CHD3: variants seen among roughly 807,000 people sequenced by gnomAD.
CHD3 encodes ATP-dependent chromatin remodeler CHD3.
Under a neutral mutation model 248.9 loss-of-function variants are expected in CHD3, and 52 were observed. The observed-to-expected ratio is 0.21, with a 90% confidence interval of 0.17 to 0.26. The LOEUF (loss-of-function observed/expected upper bound fraction) is 0.26, where lower values mean the gene tolerates loss of function less well. Ranked by LOEUF, CHD3 falls within the 10% of genes least tolerant of loss-of-function variation. The pLI is 1.00. For synonymous variants in CHD3, 985 were observed against 985.2 expected, an observed-to-expected ratio of 1.00 and a Z score of 0.00; for missense variants, 1,482 against 2,605.8, an observed-to-expected ratio of 0.57 and a Z score of 9.39.
chr17:7,899,779 G>T lies in CHD3; in HGVS notation c.2545-117G>T. ...GAGCCATGGTCTGTAATCCCTGCTT[G>T]GAGAACAGAGTAATGGCTCCTGTTG... On this transcript the variant is annotated intron_variant, in intron 15 of 39. Transcript: ENST00000330494. This position sits in a 1 kb window ranked among gnomAD's most constrained non-coding sequence, Gnocchi z 6.8. 1 of 1,328,252 alleles carries T rather than the reference G, an allele frequency of 7.5e-7. No homozygotes were observed. Among genetic ancestry groups the T allele is most frequent in the Non-Finnish European group, 1.0e-6 (1 of 952,994 alleles). The allele number at this position is 1,328,252 out of a possible 1,614,324, so 82.3% of individuals were successfully genotyped here. A position where few individuals can be genotyped will look rare whatever the true frequency, so the allele number is the denominator to read the frequency against.
Position 7,888,922 on chromosome 17 carries a change from G to A in CHD3, c.-79G>A. 6.2e-7 allele frequency: 1 copy of A among 1,601,622 alleles called. No individual in the cohort carries two copies. Among genetic ancestry groups the A allele is most frequent in the Non-Finnish European group, 8.5e-7 (1 of 1,173,044 alleles). On this transcript the variant is annotated 5_prime_UTR_variant, in exon 1 of 40. It removes an upstream start codon present in the reference 5' UTR. Transcript: ENST00000330494. ...TAGTTCCCAAAGGGAGCAGGGAGAT[G>A]GGAATAGAATTGAAGGTAGGTTTTA... is the stretch of plus-strand genomic sequence containing the variant.
Position 7,907,590 on chromosome 17 carries a change from C to T in CHD3, c.4925-11C>T, listed in dbSNP as rs1366512790. 3 of 1,511,142 alleles carry T rather than the reference C, an allele frequency of 2.0e-6. No individual in the cohort carries two copies. The highest frequency in any genetic ancestry group is 2.6e-6 in the Non-Finnish European group (3 of 1,132,238). The allele number at this position is 1,511,142 out of a possible 1,614,324, so 93.6% of individuals were successfully genotyped here. A position where few individuals can be genotyped will look rare whatever the true frequency, so the allele number is the denominator to read the frequency against. ...ACATCCTCCCTTCCTATCCCCTACC[C>T]CCTCCCACAGCCACAGAGTCGACGC... On this transcript the variant is annotated splice_polypyrimidine_tract_variant and intron_variant, in intron 32 of 39. Transcript: ENST00000330494. This position sits in a 1 kb window ranked among gnomAD's most constrained non-coding sequence, Gnocchi z 4.3.
Position 7,893,414 on chromosome 17 carries a change from C to T in CHD3, c.638C>T (p.Ala213Val), listed in dbSNP as rs1369872273. Residue 213 changes from alanine (A) to valine (V), a missense_variant, in exon 5 of 40, where the codon GCG becomes GTG. Coordinates refer to ENST00000330494, the MANE Select transcript of CHD3 (RefSeq NM_001005273.3). The stretch of plus-strand genomic sequence containing the variant: ...TCAGCAGCTGCTGTGGCGGCGGCAG[C>T]GGCAGCAGCAGCAGCAGCTGTAGCT... ...KGSAAAVAAA[A>V]AAAAAAVAEQ... 14 of 1,611,558 alleles carry T rather than the reference C, an allele frequency of 8.7e-6. No individual in the cohort carries two copies. The highest frequency in any genetic ancestry group is 1.3e-5 in the African/African-American group (1 of 74,864).
Position 7,897,373 on chromosome 17 carries a change from T to C in CHD3, c.1919+79T>C, listed in dbSNP as rs1389619066. ...ATGGTGATGGCCCCATGTTAGTATT[T>C]GCTGATTAACCAGGTAATTGATCTA... On this transcript the variant is annotated intron_variant, in intron 11 of 39. Transcript: ENST00000330494. The surrounding 1 kb of genome is among the most constrained non-coding windows in gnomAD (Gnocchi z 4.8). 2.8e-5 allele frequency: 35 copies of C among 1,251,276 alleles called. No individual in the cohort carries two copies. The highest frequency in any genetic ancestry group is 3.7e-5 in the Non-Finnish European group (32 of 870,464). The allele number at this position is 1,251,276 out of a possible 1,614,324, so 77.5% of individuals were successfully genotyped here.
intron 5 of CHD3, 64 bp downstream of exon 5, chr17:7,893,633 T>G: frequency 6.5e-7 from 1 of 1,529,558 alleles, no homozygotes; most frequent in South Asian, 1.3e-5. Context: ...CACATTAGAG[T>G]CTGGAACTCT....
chr17:7,888,884 G>A lies in CHD3; in HGVS notation c.-117G>A, dbSNP rs1166624798. 3.9e-6 allele frequency: 6 copies of A among 1,524,572 alleles called. No homozygotes were observed. Among genetic ancestry groups the A allele is most frequent in the Non-Finnish European group, 5.3e-6 (6 of 1,138,276 alleles). 94.4% of individuals were successfully genotyped at this position (1,524,572 alleles called of 1,614,324 possible). On this transcript the variant is annotated 5_prime_UTR_variant, in exon 1 of 40. Transcript: ENST00000330494. ...GTGAAGGGTGAGATCGGGAAACAAA[G>A]GGTATGGCCCCCTAGTTCCCAAAGG...
Position 7,906,751 on chromosome 17 carries a change from T to G in CHD3, c.4503+54T>G. On this transcript the variant is annotated intron_variant, in intron 29 of 39. Transcript: ENST00000330494. This position sits in a 1 kb window ranked among gnomAD's most constrained non-coding sequence, Gnocchi z 5.0. ...CAAGCTGGCTGCCTAGTCTCTGTCC[T>G]TCCTCTGCCTCTGTCCCTGAGTTGT... The G allele has an allele frequency of 6.3e-7, 1 of 1,583,640 alleles. No individual in the cohort carries two copies. The highest frequency in any genetic ancestry group is 8.6e-7 in the Non-Finnish European group (1 of 1,163,670).
Position 7,901,344 on chromosome 17 carries a change from A to C in CHD3, c.3221A>C (p.Glu1074Ala). ...LLQKMLRKLK[E>A]QGHRVLIFSQ... ...CAGAAGATGCTGCGAAAGCTGAAGG[A>C]GCAAGGACACCGAGTGCTCATCTTC... Residue 1074 changes from glutamate (E) to alanine (A), a missense_variant, in exon 20 of 40, where the codon GAG (glutamate) becomes GCG (alanine). Glu to Ala is a moderately radical substitution (Grantham distance 107). Around this residue, in one of 20 missense-constraint regions of CHD3, gnomAD observed 31 missense variants for 53.9 expected, o/e 0.58. Coordinates refer to ENST00000330494, the MANE Select transcript of CHD3 (RefSeq NM_001005273.3). The C allele has an allele frequency of 6.2e-7, 1 of 1,613,418 alleles. No individual in the cohort carries two copies. The highest frequency in any genetic ancestry group is 8.5e-7 in the Non-Finnish European group (1 of 1,179,608).
rs75678869 is a variant in CHD3, at chr17:7,889,844, C to T, written c.213+68C>T. 34,378 of 1,449,946 alleles carry T rather than the reference C, an allele frequency of 0.024. 633 individuals carry two copies. Among genetic ancestry groups the T allele is most frequent in the South Asian group, 0.073 (6,011 of 82,638 alleles). The allele number at this position is 1,449,946 out of a possible 1,614,324, so 89.8% of individuals were successfully genotyped here. On this transcript the variant is annotated intron_variant, in intron 2 of 39. Transcript: ENST00000330494. This position sits in a 1 kb window ranked among gnomAD's most constrained non-coding sequence, Gnocchi z 4.5. Reference sequence around the variant, plus strand: ...ACCCATTCTCAGAGACCTACATTTTCTCTGGTCCTGATTACTGGTGTGGGG... The same window carrying T: ...ACCCATTCTCAGAGACCTACATTTTTTCTGGTCCTGATTACTGGTGTGGGG...
Position 7,905,424 on chromosome 17 carries a change from T to C in CHD3, c.4139-197T>C. The C allele has an allele frequency of 1.6e-6, 1 of 620,156 alleles. No individual in the cohort carries two copies. The highest frequency in any genetic ancestry group is 2.8e-6 in the Non-Finnish European group (1 of 350,918). The allele number at this position is 620,156 out of a possible 1,614,324, so 38.4% of individuals were successfully genotyped here. A position where few individuals can be genotyped will look rare whatever the true frequency, so the allele number is the denominator to read the frequency against. ...ATCTGGGCCTTTGTCAGATATCAGC[T>C]GTTAATTTTAAAATATGACTGGTTC... On this transcript the variant is annotated intron_variant, in intron 26 of 39. Coordinates refer to ENST00000330494, the MANE Select transcript of CHD3 (RefSeq NM_001005273.3). The surrounding 1 kb of genome is among the most constrained non-coding windows in gnomAD (Gnocchi z 5.8).
upstream of CHD3, chr17:7,885,209 C>CGGGCCCGT (rs893595421): frequency 1.1e-6 from 1 of 899,858 alleles, no homozygotes; most frequent in African/African-American, 1.8e-5. Flanking sequence ...ATCCGGGGCT[C>CGGGCCCGT]GGGCCCGTGG....
intron 10 of CHD3, 90 bp from the exon 11 acceptor site, chr17:7,896,993 C>A: frequency 9.5e-7 from 1 of 1,057,942 alleles, no homozygotes; most frequent in Non-Finnish European, 1.4e-6. Context: ...CTTTCCCTGT[C>A]CCATTCCTCC....
At position 7,907,994 on chromosome 17, in the gene CHD3, C is replaced by A; in HGVS notation, c.5127C>A (p.Phe1709Leu). 1.2e-6 allele frequency: 2 copies of A among 1,608,002 alleles called. No homozygotes were observed. Among genetic ancestry groups the A allele is most frequent in the South Asian group, 2.2e-5 (2 of 90,856 alleles). ...EEKTEKPRFMFNIADGGFTEL... is the reference protein window; with the variant it reads ...EEKTEKPRFMLNIADGGFTEL... ...AGACAGAGAAGCCCCGGTTCATGTT[C>A]AATATCGCCGATGGTGGCTTCACAG... is the stretch of plus-strand genomic sequence containing the variant. Residue 1709 changes from phenylalanine to leucine, a missense_variant, in exon 34 of 40, where the codon TTC (phenylalanine) becomes TTA (leucine). Coordinates refer to ENST00000330494, the MANE Select transcript of CHD3 (RefSeq NM_001005273.3). This position sits in a 1 kb window ranked among gnomAD's most constrained non-coding sequence, Gnocchi z 4.3.
At position 7,909,349 on chromosome 17, in the gene CHD3, C is replaced by T; in HGVS notation, c.5590+11C>T. The T allele has an allele frequency of 5.2e-6, 8 of 1,535,950 alleles. No individual in the cohort carries two copies. The highest frequency in any genetic ancestry group is 6.1e-6 in the Non-Finnish European group (7 of 1,139,504). On this transcript the variant is annotated intron_variant, in intron 37 of 39. Coordinates refer to ENST00000330494, the MANE Select transcript of CHD3 (RefSeq NM_001005273.3). This position sits in a 1 kb window ranked among gnomAD's most constrained non-coding sequence, Gnocchi z 8.1. ...CCGTCCTGCACAAGGGTAAGGGCCG[C>T]GGCGGCCCCGCGCGGGGGAGGGCCC...
Position 7,889,680 on chromosome 17 carries a change from G to A in CHD3, c.117G>A (p.Arg39=), listed in dbSNP as rs1968539573. The change falls in exon 2 of 40, where the codon CGG becomes CGA. Residue 39 remains arginine (R), a synonymous_variant. Coordinates refer to ENST00000330494, the MANE Select transcript of CHD3 (RefSeq NM_001005273.3). The surrounding 1 kb of genome is among the most constrained non-coding windows in gnomAD (Gnocchi z 4.5). ...GDRMPDKDDI[R]LLPSALGVKK... Reference sequence around the variant, plus strand: ...GCTTCAAAGATAAGGATGACATTCGGCTGCTGCCGTCAGCATTGGGTGTGA... The same window carrying A: ...GCTTCAAAGATAAGGATGACATTCGACTGCTGCCGTCAGCATTGGGTGTGA... 3 of 1,612,842 alleles carry A rather than the reference G, an allele frequency of 1.9e-6. No individual in the cohort carries two copies. The highest frequency in any genetic ancestry group is 2.7e-5 in the African/African-American group (2 of 75,024).
At position 7,895,524 on chromosome 17, in the gene CHD3, C is replaced by G; in HGVS notation, c.1689C>G (p.Ser563=). ...KWVGLSYWHC[S]WAKELQLEIF... ...TAGGACTATCCTACTGGCACTGCTC[C>G]TGGGCCAAGGAGCTTCAGGTACTAG... The change falls in exon 10 of 40, where the codon TCC becomes TCG. Residue 563 remains serine (S), a synonymous_variant. Transcript: ENST00000330494. This position sits in a 1 kb window ranked among gnomAD's most constrained non-coding sequence, Gnocchi z 4.9. 6.8e-6 allele frequency: 11 copies of G among 1,614,110 alleles called. No individual in the cohort carries two copies. The highest frequency in any genetic ancestry group is 1.1e-5 in the South Asian group (1 of 91,074).
rs748391145 is a variant in CHD3, at chr17:7,895,025, C to T, written c.1378C>T (p.Arg460Cys). The change falls in exon 9 of 40, where the codon CGC (arginine) becomes TGC (cysteine). Residue 460 changes from arginine (R) to cysteine (C), a missense_variant. Physicochemically the swap from Arg to Cys is radical, Grantham distance 180 (BLOSUM62 -3). Coordinates refer to ENST00000330494, the MANE Select transcript of CHD3 (RefSeq NM_001005273.3). This position sits in a 1 kb window ranked among gnomAD's most constrained non-coding sequence, Gnocchi z 4.9. Reference protein sequence around the residue: ...EEEDDHMEYCRVCKDGGELLC... With the variant: ...EEEDDHMEYCCVCKDGGELLC... ...GGAGGATGATCACATGGAGTACTGC[C>T]GCGTATGCAAGGACGGCGGGGAGCT... 3.7e-6 allele frequency: 6 copies of T among 1,613,932 alleles called. No individual in the cohort carries two copies. The highest frequency in any genetic ancestry group is 2.7e-5 in the African/African-American group (2 of 74,872).
chr17:7,886,505 T>TCTAGCCGAGA (rs1967973691), upstream of CHD3, among the ~76,000 whole-genome samples: 1 of 152,184 alleles, frequency 6.6e-6, no homozygotes, highest in Admixed American at 6.5e-5. This position sits in a 1 kb window ranked among gnomAD's most constrained non-coding sequence, Gnocchi z 4.2. Flanking sequence ...CAAACGTTCC[T>TCTAGCCGAGA]GTCTAGCCGA....
intron 20 of CHD3, among the ~76,000 whole-genome samples, chr17:7,901,989 G>C (rs1213363222): frequency 2.0e-5 from 3 of 152,116 alleles, no homozygotes; most frequent in Non-Finnish European, 4.4e-5. Context: ...TGAAAGCTCT[G>C]GGTCTACTCA....
Sources: gnomAD v4.1 joint callset for allele counts (sites outside exome capture counted in the v4.1 genomes callset) on GRCh38, gnomAD v4.1.1 for gene constraint, gnomAD v4.1.1 regional missense constraint, Gnocchi (gnomAD v3.1) non-coding constraint, MANE v1.5 for transcripts, NCBI Gene and HGNC (gene_info 2026-07-23, HGNC 2026-07-21) for gene names.